Variants in RBFOX1 observed in about 807,000 individuals in gnomAD.
RBFOX1 encodes RNA binding protein fox-1 homolog 1.
Under a neutral mutation model 57.7 loss-of-function variants are expected in RBFOX1, and 8 were observed. That is an observed-to-expected ratio of 0.14 (90% CI 0.08 to 0.25). RBFOX1 has a LOEUF of 0.25. Among genes scored for constraint, RBFOX1 ranks in the 10% least tolerant of loss-of-function variants. The pLI is 1.00. For missense variants in RBFOX1, 611 were observed against 548.5 expected (o/e 1.11, Z -1.14); for synonymous variants, 326 against 222.4 (o/e 1.47, Z -4.15).
At chr16:7,084,903 C>T (rs976414500) in intron 4 of RBFOX1, among the ~76,000 whole-genome samples, 4 of 152,102 alleles carry the variant, frequency 2.6e-5, no homozygotes, top group Middle Eastern at 3.2e-3. Flanking sequence ...TTTGTCCAAC[C>T]AGCCATTCAG....
chr16:7,384,739 C>G (rs1366776505), intron 4 of RBFOX1, among the ~76,000 whole-genome samples: 2 of 152,226 alleles, frequency 1.3e-5, no homozygotes, highest in East Asian at 1.9e-4. Flanking sequence ...GGATGAGTCT[C>G]TCATTCACTC....
intron 2 of RBFOX1, among the ~76,000 whole-genome samples, chr16:5,589,625 TC>T (rs965616277): frequency 2.6e-5 from 4 of 152,232 alleles, no homozygotes; most frequent in Admixed American, 2.6e-4. Context: ...AAGTGGCTAG[TC>T]CTAGGCCAGT....
intron 2 of RBFOX1, among the ~76,000 whole-genome samples, chr16:6,443,919 T>G (rs997886167): frequency 2.6e-5 from 4 of 152,162 alleles, no homozygotes; most frequent in Non-Finnish European, 5.9e-5. Context: ...TCCCCATTTA[T>G]GTTCTACAGT....
At chr16:6,349,020 C>T (rs1293323778) in intron 2 of RBFOX1, among the ~76,000 whole-genome samples, 4 of 152,184 alleles carry the variant, frequency 2.6e-5, no homozygotes, top group Non-Finnish European at 5.9e-5. Flanking sequence ...CTGATTTTAT[C>T]AGGATCTTAC....
chr16:6,346,883 G>C (rs1483766555), intron 2 of RBFOX1, among the ~76,000 whole-genome samples: 1 of 152,042 alleles, frequency 6.6e-6, no homozygotes, highest in African/African-American at 2.4e-5. Flanking sequence ...TGAATTATGG[G>C]AGAGCACTAC....
chr16:6,803,466 T>A (rs116059074), intron 3 of RBFOX1, among the ~76,000 whole-genome samples: 21 of 152,322 alleles, frequency 1.4e-4, no homozygotes, highest in African/African-American at 4.6e-4. Flanking sequence ...GTTATTACTT[T>A]CCTAGGGACT....
At chr16:7,312,915 T>G (rs1471361241) in intron 4 of RBFOX1, among the ~76,000 whole-genome samples, 1 of 151,966 alleles carries the variant, frequency 6.6e-6, no homozygotes, top group Non-Finnish European at 1.5e-5. Flanking sequence ...CGGAGCTCTC[T>G]GGGGGCCCCA....
chr16:6,362,436 C>T (rs998061142), intron 2 of RBFOX1, among the ~76,000 whole-genome samples: 16 of 152,096 alleles, frequency 1.1e-4, no homozygotes, highest in African/African-American at 2.2e-4. Flanking sequence ...GTCAGGGGTT[C>T]GGAGACTTAG....
intron 4 of RBFOX1, among the ~76,000 whole-genome samples, chr16:5,984,831 A>C (rs1299833844): frequency 6.6e-6 from 1 of 151,692 alleles, no homozygotes; most frequent in Non-Finnish European, 1.5e-5. Flanking sequence ...TGTACTGAAT[A>C]CTGTAGGCAG....
intron 4 of RBFOX1, among the ~76,000 whole-genome samples, chr16:5,873,704 T>G (rs920469245): frequency 1.3e-5 from 2 of 152,220 alleles, no homozygotes; most frequent in African/African-American, 4.8e-5. Context: ...ACTTGTCTCA[T>G]GAGGACTGAT....
chr16:6,196,244 A>T (rs1009610394), intron 1 of RBFOX1, among the ~76,000 whole-genome samples: 2 of 152,164 alleles, frequency 1.3e-5, no homozygotes, highest in African/African-American at 4.8e-5. Flanking sequence ...TGAATTCAGG[A>T]TTCCTAAGCT....
At chr16:5,850,448 T>A (rs2056867154) in intron 3 of RBFOX1, among the ~76,000 whole-genome samples, 1 of 152,226 alleles carries the variant, frequency 6.6e-6, no homozygotes, top group Non-Finnish European at 1.5e-5. Flanking sequence ...AGCACTAGTA[T>A]CCTGTGTGTC....
intron 1 of RBFOX1, among the ~76,000 whole-genome samples, chr16:5,459,560 G>A (rs774975797): frequency 1.3e-5 from 2 of 152,070 alleles, no homozygotes; most frequent in African/African-American, 2.4e-5. Context: ...ATGTCCACTT[G>A]TCTCATGTCT....
intron 3 of RBFOX1, among the ~76,000 whole-genome samples, chr16:7,008,210 CT>C (rs1253321470): frequency 6.6e-6 from 1 of 152,092 alleles, no homozygotes; most frequent in African/African-American, 2.4e-5. Context: ...GGCGAATTGG[CT>C]TTAATGAGTT....
intron 2 of RBFOX1, among the ~76,000 whole-genome samples, chr16:6,514,278 C>T (rs2096323120): frequency 6.6e-6 from 1 of 152,166 alleles, no homozygotes; most frequent in Admixed American, 6.5e-5. Context: ...ATCCTTTCCA[C>T]TTCATCTTAC....
intron 4 of RBFOX1, among the ~76,000 whole-genome samples, chr16:7,258,068 TA>T (rs1463609389): frequency 1.3e-5 from 2 of 152,212 alleles, no homozygotes; most frequent in Admixed American, 6.5e-5. Context: ...TGCTGAAATA[TA>T]AAATTCAGTT....
chr16:6,400,265 A>G (rs1326765239), intron 2 of RBFOX1, among the ~76,000 whole-genome samples: 1 of 152,232 alleles, frequency 6.6e-6, no homozygotes, highest in African/African-American at 2.4e-5. Context: ...TCTGGCAACA[A>G]TGGAATAAAA....
At chr16:6,889,036 T>A (rs1241816896) in intron 3 of RBFOX1, among the ~76,000 whole-genome samples, 1 of 152,210 alleles carries the variant, frequency 6.6e-6, no homozygotes, top group Non-Finnish European at 1.5e-5. Context: ...GAATTGCATG[T>A]GTTCTCAAAT....
chr16:5,475,342 G>A (rs3905749), intron 2 of RBFOX1, among the ~76,000 whole-genome samples: 24,853 of 152,214 alleles, frequency 0.16, 2,574 homozygotes, highest in South Asian at 0.28. Flanking sequence ...TTTAAGTTGA[G>A]CCTTGAAGTT....
Sources: allele counts gnomAD v4.1 joint callset (sites outside exome capture counted in the v4.1 genomes callset), GRCh38; gene constraint gnomAD v4.1.1; transcripts MANE v1.5; gene names NCBI Gene and HGNC (gene_info 2026-07-23, HGNC 2026-07-21).